FAM193A: variants seen among roughly 807,000 people sequenced by gnomAD.
FAM193A encodes the protein protein FAM193A.
Under a neutral mutation model 126.5 loss-of-function variants are expected in FAM193A, and 22 were observed. That is an observed-to-expected ratio of 0.17 (90% confidence interval 0.12 to 0.25). The LOEUF (loss-of-function observed/expected upper bound fraction) is 0.25. Ranked by LOEUF, FAM193A falls within the 10% of genes least tolerant of loss-of-function variation. The probability of loss-of-function intolerance (pLI) is 1.00; values close to 1 mark genes in which losing one functional copy is unlikely to be tolerated. For missense variants in FAM193A, 1,675 were observed against 1,672.8 expected (o/e 1.00, Z -0.02); for synonymous variants, 761 against 646.8 (o/e 1.18, Z -2.68).
chr4:2,652,561 G>A (rs1174770071), intron 7 of FAM193A, among the ~76,000 whole-genome samples: 2 of 152,148 alleles, frequency 1.3e-5, no homozygotes, highest in Admixed American at 6.5e-5. Context: ...TGGAGTAGGA[G>A]GAAGGGGGGT....
At chr4:2,720,735 C>G (rs531662400) in intron 20 of FAM193A, among the ~76,000 whole-genome samples, 1 of 151,928 alleles carries the variant, frequency 6.6e-6, no homozygotes, top group South Asian at 2.1e-4. Context: ...TATAATAGCA[C>G]CAAAATCTCT....
intron 1 of FAM193A, among the ~76,000 whole-genome samples, chr4:2,574,980 G>T (rs139337268): frequency 2.6e-5 from 4 of 152,114 alleles, no homozygotes; most frequent in East Asian, 1.9e-4. Flanking sequence ...CCTCCCCTCT[G>T]TTGGCTCACA....
chr4:2,661,273 G>C (rs1577158079), intron 10 of FAM193A, among the ~76,000 whole-genome samples: 1 of 152,154 alleles, frequency 6.6e-6, no homozygotes, highest in South Asian at 2.1e-4. Flanking sequence ...AATCTCCAGT[G>C]TTATCTTTTC....
At chr4:2,728,091 C>A (rs1176525194) in intron 20 of FAM193A, among the ~76,000 whole-genome samples, 2 of 152,000 alleles carry the variant, frequency 1.3e-5, no homozygotes, top group African/African-American at 4.8e-5. Flanking sequence ...GTCACCACGC[C>A]TGGCTAATTT....
chr4:2,725,713 C>CTT lies in FAM193A; in HGVS notation c.4455-6048_4455-6047dup, dbSNP rs869232598. Among the ~76,000 whole-genome samples the CTT allele has an allele frequency of 8.6e-5, 12 of 140,242 alleles. No homozygotes were observed. The East Asian group carries it at 1.0e-3, about 12-fold the overall frequency. The allele number at this position is 140,242 out of a possible 152,430, so 92.0% of individuals were successfully genotyped here. A position where few individuals can be genotyped will look rare whatever the true frequency, so the allele number is the denominator to read the frequency against. ...GTAAAGCAATGAGAATTCTTGACAACTTTTTTTTTTTTTTTAAGGCAATAG... is the reference window on the plus strand; with the variant it reads ...GTAAAGCAATGAGAATTCTTGACAACTTTTTTTTTTTTTTTTTAAGGCAATAG... On this transcript the variant is annotated intron_variant, in intron 20 of 20. Transcript: ENST00000637812.
intron 1 of FAM193A, among the ~76,000 whole-genome samples, chr4:2,575,659 G>C (rs1265808910): frequency 6.6e-6 from 1 of 152,046 alleles, no homozygotes; most frequent in South Asian, 2.1e-4. Flanking sequence ...TAGAGACGGG[G>C]ATTCACCATG....
chr4:2,588,316 A>G (rs1740348777), intron 1 of FAM193A, among the ~76,000 whole-genome samples: 1 of 152,100 alleles, frequency 6.6e-6, no homozygotes, highest in Non-Finnish European at 1.5e-5. Flanking sequence ...TCGTCTCCTC[A>G]TCTTTTGACT....
chr4:2,612,292 G>C (rs1342929741), intron 2 of FAM193A, among the ~76,000 whole-genome samples: 1 of 151,630 alleles, frequency 6.6e-6, no homozygotes, highest in Non-Finnish European at 1.5e-5. Flanking sequence ...ACGAGGTCAG[G>C]AATTTGAGAC....
chr4:2,577,410 G>GTTTTTTTTTTT, intron 1 of FAM193A, among the ~76,000 whole-genome samples: 1 of 123,806 alleles, frequency 8.1e-6, no homozygotes, highest in Non-Finnish European at 1.7e-5. Context: ...CAATTAAAGT[G>GTTTTTTTTTTT]GTTTTTTTTT....
chr4:2,597,957 T>C (rs546768681), intron 2 of FAM193A, among the ~76,000 whole-genome samples: 76 of 151,994 alleles, frequency 5.0e-4, no homozygotes, highest in African/African-American at 1.7e-3. Flanking sequence ...CAGGCTGGAG[T>C]GCAGTGGCAC....
Position 2,710,165 on chromosome 4 carries a change from T to TG in FAM193A, c.4373-5858_4373-5857insG, listed in dbSNP as rs1201447314. Among the ~76,000 whole-genome samples the TG allele has an allele frequency of 5.6e-4, 72 of 127,496 alleles. 2 individuals carry two copies. The highest frequency in any genetic ancestry group is 9.2e-4 in the Non-Finnish European group (56 of 60,726). 83.6% of individuals were successfully genotyped at this position (127,496 alleles called of 152,430 possible). A position where few individuals can be genotyped will look rare whatever the true frequency, so the allele number is the denominator to read the frequency against. ...TAGGTTTACTGTTCTTCTTTTGTTT[T>TG]TTTTTTTTTTTCTTTTTTTTTTTTT... On this transcript the variant is annotated intron_variant, in intron 19 of 20. Transcript: ENST00000637812.
chr4:2,694,378 T>G (rs1408399379), intron 16 of FAM193A, among the ~76,000 whole-genome samples: 7 of 152,100 alleles, frequency 4.6e-5, no homozygotes, highest in African/African-American at 1.7e-4. Flanking sequence ...CAAGCGATTC[T>G]TCTGCCTCAG....
Position 2,601,829 on chromosome 4 carries a change from A to G in FAM193A, c.501+5500A>G, listed in dbSNP as rs1741215734. 2.6e-5 allele frequency among the ~76,000 whole-genome samples: 4 copies of G among 151,964 alleles called. No homozygotes were observed. In the South Asian group the frequency reaches 8.3e-4, roughly 32 times the overall value. On this transcript the variant is annotated intron_variant, in intron 2 of 20. Coordinates refer to ENST00000637812, the MANE Select transcript of FAM193A (RefSeq NM_001366318.2). ...TACTTGTACTTTGTCTGTTTAATTA[A>G]TTGTTGCTTTTTATTATTATTATTT...
chr4:2,682,051 C>G (rs942124605), intron 13 of FAM193A, among the ~76,000 whole-genome samples: 2 of 135,110 alleles, frequency 1.5e-5, no homozygotes, highest in African/African-American at 5.6e-5. Context: ...GTGATGCGAT[C>G]TCGGCTCACT....
Position 2,608,059 on chromosome 4 carries a change from A to C in FAM193A, c.501+11730A>C. 1.9e-6 allele frequency: 3 copies of C among 1,608,576 alleles called. No individual in the cohort carries two copies. The South Asian group carries it at 3.3e-5, about 18-fold the overall frequency. The stretch of plus-strand genomic sequence containing the variant: ...TCCGGGTGTGCAGCATAAATTGCAG[A>C]GTGTAAGGTGAAGCCGGCCTGATTC... On this transcript the variant is annotated intron_variant, in intron 2 of 20. Transcript: ENST00000637812.
intron 19 of FAM193A, among the ~76,000 whole-genome samples, chr4:2,707,070 C>T (rs1437762952): frequency 2.0e-5 from 3 of 151,928 alleles, no homozygotes; most frequent in Non-Finnish European, 4.4e-5. Flanking sequence ...TGCAGTGAGC[C>T]AAGGTTGCTC....
At chr4:2,714,707 A>T (rs1719354872) in intron 19 of FAM193A, among the ~76,000 whole-genome samples, 1 of 152,186 alleles carries the variant, frequency 6.6e-6, no homozygotes, top group Non-Finnish European at 1.5e-5. Flanking sequence ...AGCTGCTATT[A>T]TGCGAGTAAA....
rs192975014 is a variant in FAM193A, at chr4:2,657,809, A to G, written c.1318A>G (p.Met440Val). ...IDAYVDEQMT[M>V]KTKQRMLTED... ...TTTTACATCCCCTTACTAGATGACA[A>G]TGAAAACCAAGCAGCGCATGTTAAC... The change falls in exon 8 of 21, where the codon ATG becomes GTG. Residue 440 changes from methionine to valine, a missense_variant. Coordinates refer to ENST00000637812, the MANE Select transcript of FAM193A (RefSeq NM_001366318.2). 1.7e-5 allele frequency: 27 copies of G among 1,608,534 alleles called. No individual in the cohort carries two copies. The African/African-American group carries it at 2.5e-4, about 15-fold the overall frequency.
chr4:2,560,562 A>G (rs979792550), intron 1 of FAM193A, among the ~76,000 whole-genome samples: 12 of 152,212 alleles, frequency 7.9e-5, no homozygotes, highest in African/African-American at 1.7e-4. Context: ...TTGTCTTTTG[A>G]TTTGGAAGAA....
Sources: gnomAD v4.1 joint callset for allele counts (sites outside exome capture counted in the v4.1 genomes callset) on GRCh38, gnomAD v4.1.1 for gene constraint, MANE v1.5 for transcripts, NCBI Gene and HGNC (gene_info 2026-07-23, HGNC 2026-07-21) for gene names.